The following INSL6 variants were observed in gnomAD, a reference collection of about 807,000 sequenced individuals.
INSL6 encodes the protein insulin like 6, also known as insulin-like peptide INSL6.
INSL6 carries 16 observed loss-of-function variants against 9.4 expected under a neutral mutation model. The observed-to-expected ratio is 1.70, with a 90% CI of 1.15 to 2.59. The LOEUF is 2.59. Among genes scored for constraint, INSL6 ranks in the 30% most tolerant of loss-of-function variants. INSL6 has a pLI of 0.00. For synonymous variants in INSL6, 154 were observed against 96.9 expected (o/e 1.59, Z -3.46); for missense variants, 391 against 257.3 (o/e 1.52, Z -3.56).
the INSL6 span, chr9:5,081,820 T>C: frequency 1.4e-5 from 23 of 1,613,542 alleles, no homozygotes; most frequent in Non-Finnish European, 1.9e-5. Flanking sequence ...TCCTACACAG[T>C]TTGAAGAGAG....
intron 1 of INSL6, among the ~76,000 whole-genome samples, chr9:5,185,072 GAAC>G: frequency 6.6e-6 from 1 of 151,994 alleles, no homozygotes. Flanking sequence ...CTCCAGAAAA[GAAC>G]AACATTCTTA....
the INSL6 span, among the ~76,000 whole-genome samples, chr9:5,053,850 G>A: frequency 6.6e-6 from 1 of 151,942 alleles, no homozygotes. Flanking sequence ...GAGCCTTGTC[G>A]AATGAGTAAC....
chr9:5,102,518 T>G, the INSL6 span, among the ~76,000 whole-genome samples: 1 of 152,210 alleles, frequency 6.6e-6, no homozygotes, highest in East Asian at 1.9e-4. Context: ...CAGGCCAACA[T>G]TCAAATTCAG....
chr9:5,118,260 C>G, the INSL6 span, among the ~76,000 whole-genome samples: 1 of 152,190 alleles, frequency 6.6e-6, no homozygotes, highest in Non-Finnish European at 1.5e-5. Flanking sequence ...AACTTTGTAT[C>G]ATTCCTTTTT....
chr9:5,055,001 G>T, the INSL6 span: 4 of 731,934 alleles, frequency 5.5e-6, no homozygotes, highest in Non-Finnish European at 8.7e-6. Flanking sequence ...GATAGAAGTG[G>T]AAGTTTTTAA....
In INSL6 at chr9:5,185,571, C is replaced by T; in HGVS notation, c.32G>A (p.Trp11Ter). MPRLLRLSLL[W>*]LGLLLVRFSR... ...AAACCGAACCAGCAGGAGTCCAAGC[C>T]ACAGCAGGGACAAGCGGAGGAGCCG... Residue 11 changes from tryptophan (W) to a stop codon, truncating the protein, a stop_gained, in exon 1 of 2, where the codon TGG (tryptophan) becomes TAG (stop). Coordinates refer to ENST00000381641, the MANE Select transcript of INSL6 (RefSeq NM_007179.3). LOFTEE classifies it high-confidence loss of function. 2.5e-6 allele frequency: 4 copies of T among 1,613,944 alleles called. No homozygotes were observed. Among genetic ancestry groups the T allele is most frequent in the East Asian group, 2.2e-5 (1 of 44,882 alleles).
the INSL6 span, among the ~76,000 whole-genome samples, chr9:5,001,048 G>A: frequency 6.6e-6 from 1 of 152,182 alleles, no homozygotes; most frequent in Non-Finnish European, 1.5e-5. Context: ...TGTTTATTTT[G>A]TGATGTATCC....
Position 5,164,214 on chromosome 9 carries a change from G to C in INSL6, c.341C>G (p.Pro114Arg). 1.2e-6 allele frequency: 2 copies of C among 1,607,216 alleles called. No homozygotes were observed. The highest frequency in any genetic ancestry group is 2.2e-5 in the East Asian group (1 of 44,752). The change falls in exon 2 of 2, where the codon CCT becomes CGT. Residue 114 changes from proline to arginine, a missense_variant. Physicochemically the swap from Pro to Arg is moderately radical, Grantham distance 103. Transcript: ENST00000381641. Reference protein sequence around the residue: ...AVNSWEMQSLPEYKDKKGYSP... With the variant: ...AVNSWEMQSLREYKDKKGYSP... ...ATATCCCTTTTTATCCTTATACTCA[G>C]GTAGTGACTGCATTTCCCAACTGTT...
the INSL6 span, among the ~76,000 whole-genome samples, chr9:4,996,912 C>T: frequency 7.0e-6 from 1 of 143,566 alleles, no homozygotes; most frequent in African/African-American, 2.6e-5. Flanking sequence ...TCCTTTTACT[C>T]TTCTGTTAGT....
the INSL6 span, among the ~76,000 whole-genome samples, chr9:5,050,301 A>G: frequency 6.6e-6 from 1 of 152,188 alleles, no homozygotes; most frequent in Non-Finnish European, 1.5e-5. Context: ...TTATTTATTT[A>G]TTAATCATTT....
chr9:5,129,499 A>G (rs1824206187), intron 3 of INSL6, among the ~76,000 whole-genome samples: 1 of 152,118 alleles, frequency 6.6e-6, no homozygotes, highest in Admixed American at 6.5e-5. Flanking sequence ...AATATTTCTA[A>G]TGAAAGTTTC....
At chr9:5,033,580 A>G in the INSL6 span, among the ~76,000 whole-genome samples, 7 of 152,364 alleles carry the variant, frequency 4.6e-5, no homozygotes, top group African/African-American at 1.7e-4. Context: ...AGTGGGGGCC[A>G]ATATTCAACA....
chr9:5,000,150 TTC>T, the INSL6 span, among the ~76,000 whole-genome samples: 32 of 152,302 alleles, frequency 2.1e-4, no homozygotes, highest in Admixed American at 5.2e-4. Context: ...TATATATTTT[TTC>T]TGTTTTTTTT....
the INSL6 span, chr9:5,090,375 T>C: frequency 1.6e-5 from 18 of 1,121,592 alleles, no homozygotes; most frequent in Non-Finnish European, 2.0e-5. Context: ...CATTTATGTA[T>C]GATAGTTTTC....
At chr9:5,167,746 C>G (rs1443630654) in intron 1 of INSL6, among the ~76,000 whole-genome samples, 1 of 152,198 alleles carries the variant, frequency 6.6e-6, no homozygotes, top group African/African-American at 2.4e-5. Context: ...CAAGGGGCAG[C>G]CAGACTGCTT....
chr9:5,012,428 C>G, the INSL6 span, among the ~76,000 whole-genome samples: 2 of 152,034 alleles, frequency 1.3e-5, no homozygotes, highest in Admixed American at 1.3e-4. Context: ...GTAGTATAAA[C>G]TACTCTCTCA....
chr9:5,126,108 G>A, intron 3 of INSL6: 1 of 390,138 alleles, frequency 2.6e-6, no homozygotes, highest in Non-Finnish European at 4.6e-6. Context: ...GCCCTCCTCA[G>A]GGGATTTGTG....
the INSL6 span, among the ~76,000 whole-genome samples, chr9:5,073,106 C>G: frequency 1.3e-5 from 2 of 152,170 alleles, no homozygotes; most frequent in African/African-American, 4.8e-5. Context: ...ATGATACTTA[C>G]AATATCTTAA....
intron 3 of INSL6, among the ~76,000 whole-genome samples, chr9:5,128,966 C>T (rs894932932): frequency 6.6e-6 from 1 of 151,890 alleles, no homozygotes; most frequent in Non-Finnish European, 1.5e-5. Context: ...ATGACTTTTT[C>T]CATGGGTACT....
Sources: allele counts gnomAD v4.1 joint callset (sites outside exome capture counted in the v4.1 genomes callset), GRCh38; gene constraint gnomAD v4.1.1; transcripts MANE v1.5; gene names NCBI Gene and HGNC (gene_info 2026-07-23, HGNC 2026-07-21).